The following PDE1C variants were observed in gnomAD, a reference collection of about 807,000 sequenced individuals.
PDE1C encodes dual specificity calcium/calmodulin-dependent 3',5'-cyclic nucleotide phosphodiesterase 1C.
PDE1C carries 62 observed loss-of-function variants against 93.1 expected under a neutral mutation model. That is an observed-to-expected ratio of 0.67 (90% CI 0.54 to 0.82). The LOEUF (loss-of-function observed/expected upper bound fraction) is 0.82, where lower values mean the gene tolerates loss of function less well. Among genes scored for constraint, PDE1C ranks in the 40% least tolerant of loss-of-function variants. PDE1C has a pLI of 0.00. For missense variants in PDE1C, 742 were observed against 884.6 expected, an observed-to-expected ratio of 0.84 and a Z score of 2.04; for synonymous variants, 325 against 310.1, an observed-to-expected ratio of 1.05 and a Z score of -0.50.
At chr7:32,139,516 T>C (rs189361585) in intron 3 of PDE1C, among the ~76,000 whole-genome samples, 80 of 152,198 alleles carry the variant, frequency 5.3e-4, no homozygotes, top group Admixed American at 8.5e-4. Flanking sequence ...GTGTCCCTGT[T>C]TGCTTGGACA....
At chr7:32,043,105 T>C (rs541986171) in intron 2 of PDE1C, among the ~76,000 whole-genome samples, 33 of 152,238 alleles carry the variant, frequency 2.2e-4, no homozygotes, top group African/African-American at 7.7e-4. Flanking sequence ...GTTACTGGCA[T>C]CTAGTGGGCA....
At chr7:31,638,726 G>T in the PDE1C span, among the ~76,000 whole-genome samples, 12 of 151,862 alleles carry the variant, frequency 7.9e-5, no homozygotes, top group South Asian at 2.1e-4. Flanking sequence ...TGATTTTAAG[G>T]GTTTTTATAA....
rs1410985259 is a variant in PDE1C at position 31,752,106 on chromosome 7, C to T, written c.*1278G>A. ...TTTCTAGTTAAGCAAATGGAGGCAT[C>T]AAAAAATTATGCCATCCGAGCAAGG... is the stretch of plus-strand genomic sequence containing the variant. On this transcript the variant is annotated 3_prime_UTR_variant, in exon 18 of 18. Coordinates refer to ENST00000396191, the MANE Select transcript of PDE1C (RefSeq NM_001191057.4). 6.6e-6 allele frequency: 1 copy of T among 152,116 alleles called. No homozygotes were observed. The highest frequency in any genetic ancestry group is 1.5e-5 in the Non-Finnish European group (1 of 68,006). The allele number at this position is 152,116 out of a possible 1,614,324, so 9.4% of individuals were successfully genotyped here. A position where few individuals can be genotyped will look rare whatever the true frequency, so the allele number is the denominator to read the frequency against.
intron 3 of PDE1C, among the ~76,000 whole-genome samples, chr7:32,096,230 T>A (rs1797740592): frequency 6.6e-6 from 1 of 152,182 alleles, no homozygotes; most frequent in Non-Finnish European, 1.5e-5. Flanking sequence ...CTTTGGGAAC[T>A]GCACTCTACC....
the PDE1C span, among the ~76,000 whole-genome samples, chr7:31,670,992 A>G: frequency 1.3e-5 from 2 of 152,070 alleles, no homozygotes; most frequent in Admixed American, 6.5e-5. Flanking sequence ...GATTCTGGGG[A>G]AAGATTACCT....
the PDE1C span, among the ~76,000 whole-genome samples, chr7:31,730,941 A>G: frequency 1.3e-5 from 2 of 152,276 alleles, no homozygotes; most frequent in East Asian, 3.9e-4. Flanking sequence ...AAATATCCCA[A>G]TAAGTCAGAA....
intron 2 of PDE1C, among the ~76,000 whole-genome samples, chr7:32,195,896 C>T (rs1804577478): frequency 6.6e-6 from 1 of 152,070 alleles, no homozygotes. Flanking sequence ...GCTTTGTTAT[C>T]GCTGGGAAGG....
chr7:32,145,667 A>C (rs952553366), intron 3 of PDE1C, among the ~76,000 whole-genome samples: 10 of 152,158 alleles, frequency 6.6e-5, no homozygotes, highest in African/African-American at 2.4e-4. Context: ...ATTACTAATA[A>C]CTATTCAAAA....
intron 1 of PDE1C, among the ~76,000 whole-genome samples, chr7:32,289,642 A>G (rs909629808): frequency 1.3e-5 from 2 of 152,168 alleles, no homozygotes; most frequent in Admixed American, 6.5e-5. Flanking sequence ...GCCAGGAAAG[A>G]GCCCTGTAGT....
At chr7:31,992,351 C>T (rs1416382816) in intron 2 of PDE1C, among the ~76,000 whole-genome samples, 1 of 152,184 alleles carries the variant, frequency 6.6e-6, no homozygotes, top group African/African-American at 2.4e-5. Context: ...GAAGGAGGCA[C>T]CAGTACCTGG....
chr7:31,937,872 A>G (rs114489566), intron 2 of PDE1C, among the ~76,000 whole-genome samples: 5 of 152,144 alleles, frequency 3.3e-5, no homozygotes, highest in African/African-American at 1.2e-4. Flanking sequence ...TTTCACTACA[A>G]AATAGTTTCC....
chr7:32,013,173 G>T (rs977101908), intron 2 of PDE1C, among the ~76,000 whole-genome samples: 8 of 152,142 alleles, frequency 5.3e-5, no homozygotes, highest in African/African-American at 1.7e-4. Flanking sequence ...TGCACTGGAA[G>T]AAACTCAAAA....
intron 2 of PDE1C, among the ~76,000 whole-genome samples, chr7:32,186,081 TTTTTTG>T (rs1353216530): frequency 4.8e-5 from 4 of 83,710 alleles, no homozygotes; most frequent in African/African-American, 2.4e-4. Context: ...CCTAATTTGT[TTTTTTG>T]TTTTTTTTTT....
At chr7:32,390,369 G>A (rs900948835) in intron 1 of PDE1C, among the ~76,000 whole-genome samples, 2 of 152,008 alleles carry the variant, frequency 1.3e-5, no homozygotes, top group Admixed American at 6.6e-5. Flanking sequence ...ACAATGTCTG[G>A]AGACATTTAC....
chr7:32,369,127 G>C (rs1784280752), intron 1 of PDE1C, among the ~76,000 whole-genome samples: 1 of 152,028 alleles, frequency 6.6e-6, no homozygotes, highest in Admixed American at 6.6e-5. Context: ...GGCAACAAAA[G>C]CAAAAATAAT....
chr7:31,754,017 C>T (rs1310666231), intron 17 of PDE1C, among the ~76,000 whole-genome samples: 1 of 152,016 alleles, frequency 6.6e-6, no homozygotes. Context: ...ATATAAAGAT[C>T]TTGTATTCAA....
At chr7:32,391,225 T>C (rs1784742557) in intron 1 of PDE1C, among the ~76,000 whole-genome samples, 1 of 152,082 alleles carries the variant, frequency 6.6e-6, no homozygotes, top group African/African-American at 2.4e-5. Flanking sequence ...CTAAGAGAGC[T>C]GAAGTGGCTC....
At chr7:32,239,747 C>A (rs964955644) in intron 1 of PDE1C, among the ~76,000 whole-genome samples, 9 of 152,310 alleles carry the variant, frequency 5.9e-5, no homozygotes, top group Admixed American at 5.9e-4. Context: ...AGAGCTCTGA[C>A]TATATTTGTA....
rs116521767 is a variant in PDE1C at position 31,918,586 on chromosome 7, G to A, written c.129-37726C>T. Among the ~76,000 whole-genome samples the A allele has an allele frequency of 6.2e-3, 940 of 152,256 alleles. 6 individuals carry two copies. The highest frequency in any genetic ancestry group is 0.022 in the African/African-American group (906 of 41,552). ...AGCTCCTGAGTCTTTCTGCTGTTCT[G>A]CAGCACAAATGAGCTTCCCTCTTGC... On this transcript the variant is annotated intron_variant, in intron 2 of 17. Coordinates refer to ENST00000396191, the MANE Select transcript of PDE1C (RefSeq NM_001191057.4).
Sources: allele counts gnomAD v4.1 joint callset (sites outside exome capture counted in the v4.1 genomes callset), GRCh38; gene constraint gnomAD v4.1.1; transcripts MANE v1.5; gene names NCBI Gene and HGNC (gene_info 2026-07-23, HGNC 2026-07-21).